Variants in PPP2R2B observed in about 807,000 individuals in gnomAD.
PPP2R2B encodes serine/threonine-protein phosphatase 2A 55 kDa regulatory subunit B beta isoform.
PPP2R2B carries 5 observed loss-of-function variants against 46.0 expected under a neutral mutation model. The ratio of observed to expected loss-of-function variants is 0.11; its 90% CI spans 0.06 to 0.23. The LOEUF (loss-of-function observed/expected upper bound fraction) is 0.23. Ranked by LOEUF, PPP2R2B falls within the 10% of genes least tolerant of loss-of-function variation. The probability of loss-of-function intolerance (pLI) is 1.00; values close to 1 mark genes in which losing one functional copy is unlikely to be tolerated. For missense variants in PPP2R2B, 367 were observed against 575.0 expected (o/e 0.64, Z 3.70); for synonymous variants, 215 against 206.7 (o/e 1.04, Z -0.34).
chr5:146,592,659 T>A (rs1257640300), intron 9 of PPP2R2B, among the ~76,000 whole-genome samples: 1 of 152,208 alleles, frequency 6.6e-6, no homozygotes, highest in East Asian at 1.9e-4. Flanking sequence ...AATTTGCTGG[T>A]GGATAAGTGA....
At chr5:146,701,212 A>C in intron 2 of PPP2R2B, 70 bp from the exon 3 acceptor site, 10 of 1,266,886 alleles carry the variant, frequency 7.9e-6, no homozygotes, top group Non-Finnish European at 1.2e-5. Context: ...TAATAGATAT[A>C]CTTTTCTGTG....
At chr5:146,687,258 T>C (rs1184570407) in intron 5 of PPP2R2B, among the ~76,000 whole-genome samples, 6 of 152,208 alleles carry the variant, frequency 3.9e-5, no homozygotes, top group Non-Finnish European at 8.8e-5. Context: ...GAATAACCAG[T>C]TGAGGGATAC....
chr5:146,969,653 G>A (rs1026057798), intron 1 of PPP2R2B, among the ~76,000 whole-genome samples: 10 of 152,218 alleles, frequency 6.6e-5, no homozygotes, highest in Admixed American at 4.6e-4. Flanking sequence ...GCAAAGAACA[G>A]AAGAATCAAG....
chr5:146,687,907 A>G (rs937402217), intron 5 of PPP2R2B, among the ~76,000 whole-genome samples: 1 of 152,232 alleles, frequency 6.6e-6, no homozygotes, highest in Non-Finnish European at 1.5e-5. Context: ...GTGAGCAAGA[A>G]GTAATCATAG....
chr5:146,936,712 T>C (rs1156875147), intron 1 of PPP2R2B, among the ~76,000 whole-genome samples: 2 of 152,096 alleles, frequency 1.3e-5, no homozygotes, highest in Non-Finnish European at 2.9e-5. Flanking sequence ...CCCCTACGGC[T>C]GTGGGCTTGG....
intron 1 of PPP2R2B, among the ~76,000 whole-genome samples, chr5:146,889,545 CA>C (rs1191761929): frequency 6.6e-6 from 1 of 152,102 alleles, no homozygotes; most frequent in East Asian, 1.9e-4. Context: ...AGGTTAATGG[CA>C]GGGGGGTAAT....
intron 5 of PPP2R2B, among the ~76,000 whole-genome samples, chr5:146,661,477 G>A (rs1776665374): frequency 6.6e-6 from 1 of 151,902 alleles, no homozygotes; most frequent in Non-Finnish European, 1.5e-5. Flanking sequence ...AAATATCTAT[G>A]TTTAATATCT....
At chr5:147,028,646 T>C (rs934087464) in intron 1 of PPP2R2B, among the ~76,000 whole-genome samples, 2 of 152,224 alleles carry the variant, frequency 1.3e-5, no homozygotes, top group Non-Finnish European at 2.9e-5. Flanking sequence ...CTATGAACAT[T>C]CTTATACATG....
At chr5:146,772,512 G>T (rs1582069658) in intron 2 of PPP2R2B, among the ~76,000 whole-genome samples, 1 of 150,990 alleles carries the variant, frequency 6.6e-6, no homozygotes, top group Non-Finnish European at 1.5e-5. Context: ...AGAGGGGAGT[G>T]GGGTCAAAGA....
intron 2 of PPP2R2B, among the ~76,000 whole-genome samples, chr5:146,810,224 A>C (rs1757441836): frequency 6.6e-6 from 1 of 152,164 alleles, no homozygotes; most frequent in Admixed American, 6.5e-5. Flanking sequence ...AATTTACAAA[A>C]CAAAGAGGCT....
intron 1 of PPP2R2B, among the ~76,000 whole-genome samples, chr5:146,927,202 A>G (rs1368548427): frequency 2.6e-5 from 4 of 152,168 alleles, no homozygotes; most frequent in African/African-American, 7.2e-5. Context: ...CCAGAGCACA[A>G]ATAGTTGAAG....
At chr5:146,729,497 A>C (rs1301106310) in intron 2 of PPP2R2B, among the ~76,000 whole-genome samples, 1 of 152,246 alleles carries the variant, frequency 6.6e-6, no homozygotes, top group African/African-American at 2.4e-5. Context: ...GACCATGGGG[A>C]AAATGTCTCC....
chr5:146,862,892 A>G (rs1038160230), intron 2 of PPP2R2B, among the ~76,000 whole-genome samples: 1 of 151,708 alleles, frequency 6.6e-6, no homozygotes, highest in African/African-American at 2.4e-5. Context: ...GGCTTACATA[A>G]TGGGCTCAAA....
intron 1 of PPP2R2B, among the ~76,000 whole-genome samples, chr5:147,012,356 T>C: frequency 6.6e-6 from 1 of 152,152 alleles, no homozygotes; most frequent in Admixed American, 6.6e-5. Flanking sequence ...ATTTTCTAGT[T>C]TATTTGCATA....
intron 1 of PPP2R2B, among the ~76,000 whole-genome samples, chr5:147,023,992 T>A (rs771508095): frequency 6.6e-6 from 1 of 152,214 alleles, no homozygotes; most frequent in African/African-American, 2.4e-5. Flanking sequence ...GTCCTGCACC[T>A]GGGGCTCGGA....
At chr5:146,698,359 CAT>C (rs1234824546) in intron 3 of PPP2R2B, among the ~76,000 whole-genome samples, 1 of 116,716 alleles carries the variant, frequency 8.6e-6, no homozygotes, top group East Asian at 2.6e-4. Context: ...TATACACACA[CAT>C]ATAATTATAC....
chr5:146,951,305 A>C (rs1185153766), intron 1 of PPP2R2B, among the ~76,000 whole-genome samples: 1 of 152,022 alleles, frequency 6.6e-6, no homozygotes, highest in Admixed American at 6.6e-5. Flanking sequence ...CAACACAGTT[A>C]AGATATAGAA....
intron 1 of PPP2R2B, among the ~76,000 whole-genome samples, chr5:146,900,484 C>G (rs943632315): frequency 1.8e-4 from 27 of 152,042 alleles, no homozygotes; most frequent in Non-Finnish European, 3.8e-4. Context: ...AGCTTCCCTT[C>G]CTTTTCTTTC....
chr5:146,882,840 T>A (rs531096945), upstream of PPP2R2B, among the ~76,000 whole-genome samples: 1 of 152,324 alleles, frequency 6.6e-6, no homozygotes, highest in African/African-American at 2.4e-5. Context: ...ACTGACCTAT[T>A]TCAGGCTTGT....
Sources: allele counts gnomAD v4.1 joint callset (sites outside exome capture counted in the v4.1 genomes callset), GRCh38; gene constraint gnomAD v4.1.1; transcripts MANE v1.5; gene names NCBI Gene and HGNC (gene_info 2026-07-23, HGNC 2026-07-21).